GDAP2: variants seen among roughly 807,000 people sequenced by gnomAD.
GDAP2 encodes the protein ganglioside-induced differentiation-associated protein 2.
Under a neutral mutation model 67.0 loss-of-function variants are expected in GDAP2, and 51 were observed. The ratio of observed to expected loss-of-function variants is 0.76; its 90% CI spans 0.61 to 0.96. GDAP2 has a LOEUF of 0.96. GDAP2 is among the 40% of genes least tolerant of loss of function. GDAP2 has a pLI of 0.00. For missense variants in GDAP2, 547 were observed against 588.3 expected, an observed-to-expected ratio of 0.93 and a Z score of 0.73; for synonymous variants, 203 against 207.3, an observed-to-expected ratio of 0.98 and a Z score of 0.18.
At chr1:117,908,704 A>C (rs1324350109) in intron 5 of GDAP2, among the ~76,000 whole-genome samples, 2 of 152,000 alleles carry the variant, frequency 1.3e-5, no homozygotes, top group Non-Finnish European at 2.9e-5. Context: ...GCATGCCTGT[A>C]GTCCTAGCTA....
intron 6 of GDAP2, among the ~76,000 whole-genome samples, chr1:117,900,763 C>CAAAA (rs552813673): frequency 1.1e-5 from 1 of 87,642 alleles, no homozygotes; most frequent in East Asian, 3.5e-4. Context: ...GACTCCATCT[C>CAAAA]AAAAAAAAAA....
rs543494972 is a variant in GDAP2, at chr1:117,925,833, T to C, written c.-68+3615A>G. ...GTGTCAAAACTGCATAGGAGAACAA[T>C]TACCTTAACTTCCCTCCAACTCAAA... On this transcript the variant is annotated intron_variant, in intron 1 of 13. Coordinates refer to ENST00000369443, the MANE Select transcript of GDAP2 (RefSeq NM_017686.4). Among the ~76,000 whole-genome samples, 2 of 152,300 alleles carry C rather than the reference T, an allele frequency of 1.3e-5. 1 individual carries two copies. Among genetic ancestry groups the C allele is most frequent in the South Asian group, 4.1e-4 (2 of 4,832 alleles).
intron 5 of GDAP2, among the ~76,000 whole-genome samples, chr1:117,911,339 A>G (rs1321459458): frequency 6.6e-6 from 1 of 152,240 alleles, no homozygotes; most frequent in East Asian, 1.9e-4. Flanking sequence ...TTTACATTCA[A>G]ATAGCATGTG....
rs539135597 is a variant in GDAP2, at chr1:117,885,270, C to T, written c.1107+1307G>A. 6.6e-5 allele frequency among the ~76,000 whole-genome samples: 10 copies of T among 152,186 alleles called. No individual in the cohort carries two copies. In the South Asian group the frequency reaches 1.7e-3, roughly 25 times the overall value. ...CCCACCCCAGGGCAATTAGGATACT[C>T]CTTTTTGGCTTCAAATTCAACTTCT... On this transcript the variant is annotated intron_variant, in intron 10 of 13. Transcript: ENST00000369443.
intron 5 of GDAP2, among the ~76,000 whole-genome samples, chr1:117,909,993 G>A (rs1649799011): frequency 6.6e-6 from 1 of 152,014 alleles, no homozygotes; most frequent in Non-Finnish European, 1.5e-5. Flanking sequence ...GATATGACAA[G>A]GACTAAGTAA....
intron 8 of GDAP2, among the ~76,000 whole-genome samples, chr1:117,893,300 G>C (rs1464559525): frequency 6.6e-6 from 1 of 152,044 alleles, no homozygotes; most frequent in Non-Finnish European, 1.5e-5. Context: ...CCTAATTTTG[G>C]TAAGTAAACC....
rs1326815352 is a variant in GDAP2 at position 117,867,595 on chromosome 1, G to A, written c.*2974C>T. On this transcript the variant is annotated 3_prime_UTR_variant, in exon 14 of 14. Coordinates refer to ENST00000369443, the MANE Select transcript of GDAP2 (RefSeq NM_017686.4). ...CAGGCACCTGTAGTCCCAGCTACTA[G>A]GGAGGCTGAGGCAGGAGAACCACTT... 6.5e-6 allele frequency: 1 copy of A among 153,398 alleles called. No individual in the cohort carries two copies. Among genetic ancestry groups the A allele is most frequent in the African/African-American group, 2.4e-5 (1 of 40,876 alleles). 9.5% of individuals were successfully genotyped at this position (153,398 alleles called of 1,614,324 possible).
In GDAP2 at chr1:117,866,257, C is replaced by G. The variant is rs951713202; in HGVS notation, c.*4312G>C. 6.6e-6 allele frequency: 1 copy of G among 152,168 alleles called. No homozygotes were observed. The highest frequency in any genetic ancestry group is 1.5e-5 in the Non-Finnish European group (1 of 68,028). 9.4% of individuals were successfully genotyped at this position (152,168 alleles called of 1,614,324 possible). A position where few individuals can be genotyped will look rare whatever the true frequency, so the allele number is the denominator to read the frequency against. ...GAGACAGGAAAGTAACGATGTCTCTCTCTCTCTGCCAAGTGAGAATACAGC... is the reference window on the plus strand; with the variant it reads ...GAGACAGGAAAGTAACGATGTCTCTGTCTCTCTGCCAAGTGAGAATACAGC... On this transcript the variant is annotated 3_prime_UTR_variant, in exon 14 of 14. Coordinates refer to ENST00000369443, the MANE Select transcript of GDAP2 (RefSeq NM_017686.4).
chr1:117,881,767 T>C, intron 12 of GDAP2, 56 bp downstream of exon 12: 2 of 876,872 alleles, frequency 2.3e-6, no homozygotes, highest in Middle Eastern at 2.2e-4. Context: ...ATCTTAATAC[T>C]CTGGGCATGC....
chr1:117,871,721 C>T (rs1648292958), intron 13 of GDAP2, among the ~76,000 whole-genome samples: 1 of 151,924 alleles, frequency 6.6e-6, no homozygotes, highest in African/African-American at 2.4e-5. Flanking sequence ...ACTTACATTC[C>T]AATTATAAAC....
Position 117,920,270 on chromosome 1 carries a change from AGG to A in GDAP2, c.86_87del (p.Ser29PhefsTer2). 6.2e-7 allele frequency: 1 copy of A among 1,608,202 alleles called. No individual in the cohort carries two copies. The highest frequency in any genetic ancestry group is 8.5e-7 in the Non-Finnish European group (1 of 1,174,762). On this transcript the variant is annotated frameshift_variant, in exon 2 of 14. Coordinates refer to ENST00000369443, the MANE Select transcript of GDAP2 (RefSeq NM_017686.4). LOFTEE classifies it high-confidence loss of function. ...WGDSCQDELNSSDTTAEIFQE... is the reference protein window; with the variant it reads ...WGDSCQDELNXSDTTAEIFQE... ...TGAAATATTTCAGCTGTAGTATCAGAGGAATTTAATTCATCTTGGCATGAGTC... is the reference window on the plus strand; with the variant it reads ...TGAAATATTTCAGCTGTAGTATCAGAAATTTAATTCATCTTGGCATGAGTC...
intron 6 of GDAP2, 73 bp downstream of exon 6, chr1:117,906,433 T>C (rs1368071125): frequency 3.9e-6 from 3 of 770,500 alleles, no homozygotes; most frequent in East Asian, 2.5e-5. Context: ...TCAGTAAATA[T>C]GTAGTGACAA....
In GDAP2 at chr1:117,918,705, C is replaced by CT. The variant is rs1450750735; in HGVS notation, c.207dup (p.Ala70SerfsTer8). On this transcript the variant is annotated frameshift_variant, in exon 3 of 14. Transcript: ENST00000369443. LOFTEE classifies it high-confidence loss of function. ...CTTTCATTGCTGGTATTCACAATGG[C>CT]TGTACAGTTCAGTAATGCCACATCT... 1.3e-6 allele frequency: 2 copies of CT among 1,598,824 alleles called. No homozygotes were observed. Among genetic ancestry groups the CT allele is most frequent in the Non-Finnish European group, 1.7e-6 (2 of 1,166,314 alleles).
At chr1:117,874,974 C>A (rs1461194599) in intron 13 of GDAP2, among the ~76,000 whole-genome samples, 3 of 152,128 alleles carry the variant, frequency 2.0e-5, no homozygotes, top group Non-Finnish European at 4.4e-5. Flanking sequence ...AGTGGTGTGG[C>A]TGCTTTTAAC....
rs561322894 is a variant in GDAP2 at position 117,868,841 on chromosome 1, C to G, written c.*1728G>C. On this transcript the variant is annotated 3_prime_UTR_variant, in exon 14 of 14. Coordinates refer to ENST00000369443, the MANE Select transcript of GDAP2 (RefSeq NM_017686.4). Reference sequence around the variant, plus strand: ...TAGGGGACATAAGAGAAAATCTTAACATAGATGTATATATAAGGATCAAGT... The same window carrying G: ...TAGGGGACATAAGAGAAAATCTTAAGATAGATGTATATATAAGGATCAAGT... The G allele has an allele frequency of 2.3e-4, 35 of 152,170 alleles. 1 individual carries two copies. Among genetic ancestry groups the G allele is most frequent in the African/African-American group, 6.0e-4 (25 of 41,530 alleles). 9.4% of individuals were successfully genotyped at this position (152,170 alleles called of 1,614,324 possible).
At chr1:117,909,826 C>T (rs1649789453) in intron 5 of GDAP2, among the ~76,000 whole-genome samples, 1 of 152,132 alleles carries the variant, frequency 6.6e-6, no homozygotes, top group South Asian at 2.1e-4. Context: ...TTGTCTGGGG[C>T]CACAGAGCTA....
chr1:117,873,093 ATGC>A (rs1289961838), intron 13 of GDAP2, among the ~76,000 whole-genome samples: 4 of 152,196 alleles, frequency 2.6e-5, no homozygotes, highest in Non-Finnish European at 4.4e-5. Context: ...TCAATACTTA[ATGC>A]CATGAAATAG....
At chr1:117,895,886 T>C (rs1279989423) in intron 8 of GDAP2, among the ~76,000 whole-genome samples, 3 of 152,030 alleles carry the variant, frequency 2.0e-5, no homozygotes, top group Non-Finnish European at 1.5e-5. Context: ...GCGTGAAAAA[T>C]GCTATGCTAT....
intron 12 of GDAP2, among the ~76,000 whole-genome samples, chr1:117,879,419 G>A (rs1178190166): frequency 6.6e-6 from 1 of 152,100 alleles, no homozygotes; most frequent in African/African-American, 2.4e-5. Flanking sequence ...AGATGCCTAA[G>A]TAGAGATATC....
Sources: allele counts gnomAD v4.1 joint callset (sites outside exome capture counted in the v4.1 genomes callset), GRCh38; gene constraint gnomAD v4.1.1; transcripts MANE v1.5; gene names NCBI Gene and HGNC (gene_info 2026-07-23, HGNC 2026-07-21).